Variants in SCML4 observed in about 807,000 individuals in gnomAD.
The protein encoded by SCML4 is Scm polycomb group protein like 4, also known as sex comb on midleg-like protein 4.
SCML4 carries 34 observed loss-of-function variants against 41.1 expected under a neutral mutation model. That is an observed-to-expected ratio of 0.83 (90% CI 0.63 to 1.10). SCML4 has a LOEUF of 1.10. Ranked by LOEUF, SCML4 falls within the 50% of genes least tolerant of loss-of-function variation. SCML4 has a pLI of 0.00. For missense variants in SCML4, 522 were observed against 534.1 expected, an observed-to-expected ratio of 0.98 and a Z score of 0.22; for synonymous variants, 214 against 220.9, an observed-to-expected ratio of 0.97 and a Z score of 0.28.
At chr6:107,752,884 G>A (rs1050128318) in intron 2 of SCML4, among the ~76,000 whole-genome samples, 1 of 152,092 alleles carries the variant, frequency 6.6e-6, no homozygotes, top group Non-Finnish European at 1.5e-5. Context: ...AAGAAGCAAA[G>A]GGCATGGGAA....
intron 5 of SCML4, among the ~76,000 whole-genome samples, chr6:107,741,590 C>T (rs566188493): frequency 1.3e-5 from 2 of 152,362 alleles, no homozygotes; most frequent in East Asian, 1.9e-4. Context: ...GTGGCTGTTA[C>T]GCAGTACCAC....
intron 1 of SCML4, among the ~76,000 whole-genome samples, chr6:107,817,831 G>A (rs916998993): frequency 3.3e-5 from 5 of 151,878 alleles, no homozygotes; most frequent in African/African-American, 4.8e-5. Context: ...CTCCCAAATC[G>A]AGTACTAACT....
chr6:107,765,557 G>A (rs768925262), intron 2 of SCML4, among the ~76,000 whole-genome samples: 1 of 152,158 alleles, frequency 6.6e-6, no homozygotes, highest in African/African-American at 2.4e-5. Context: ...AGTTAATAAA[G>A]TTTGTAGGGA....
rs2114322117 is a variant in SCML4 at position 107,704,999 on chromosome 6, A to G, written c.*201T>C. On this transcript the variant is annotated 3_prime_UTR_variant, in exon 8 of 8. Coordinates refer to ENST00000369020, the MANE Select transcript of SCML4 (RefSeq NM_198081.5). The stretch of plus-strand genomic sequence containing the variant: ...TTTTGTAATTTTTTGGCAAATTATG[A>G]ACACAGAGGAGCCTCTCGAAAAGGT... 3.2e-6 allele frequency: 2 copies of G among 631,626 alleles called. No individual in the cohort carries two copies. The highest frequency in any genetic ancestry group is 1.8e-5 in the African/African-American group (1 of 54,278). The allele number at this position is 631,626 out of a possible 1,614,324, so 39.1% of individuals were successfully genotyped here.
chr6:107,782,427 C>T (rs547589554), intron 1 of SCML4, among the ~76,000 whole-genome samples: 394 of 152,286 alleles, frequency 2.6e-3, no homozygotes, highest in Middle Eastern at 6.8e-3. Flanking sequence ...CTGAGTGTGC[C>T]CCCTCCCTGT....
chr6:107,801,489 A>AT (rs1169794049), intron 1 of SCML4, among the ~76,000 whole-genome samples: 2 of 152,034 alleles, frequency 1.3e-5, no homozygotes, highest in Non-Finnish European at 2.9e-5. Context: ...CAATGAGCTC[A>AT]TTTCTCTCCA....
chr6:107,796,310 T>C (rs577619737), intron 1 of SCML4, among the ~76,000 whole-genome samples: 2 of 152,338 alleles, frequency 1.3e-5, no homozygotes, highest in East Asian at 1.9e-4. Context: ...AGTTGCTCCA[T>C]ATCCTGACCG....
intron 2 of SCML4, among the ~76,000 whole-genome samples, chr6:107,754,475 G>A (rs1583495630): frequency 6.6e-6 from 1 of 152,136 alleles, no homozygotes; most frequent in East Asian, 1.9e-4. Flanking sequence ...TTCTAGGAAT[G>A]ATATCCCACT....
At chr6:107,707,799 G>T in intron 7 of SCML4, 67 bp downstream of exon 7, 1 of 1,543,028 alleles carries the variant, frequency 6.5e-7, no homozygotes. Flanking sequence ...GCAGCTCCCT[G>T]GACCTCACTC....
intron 1 of SCML4, among the ~76,000 whole-genome samples, chr6:107,775,473 T>C (rs983048937): frequency 1.2e-4 from 19 of 152,318 alleles, no homozygotes; most frequent in African/African-American, 4.6e-4. Flanking sequence ...TCTGCCAGCA[T>C]CTGTGACGCC....
At chr6:107,741,045 G>A (rs1188962774) in intron 5 of SCML4, among the ~76,000 whole-genome samples, 1 of 152,136 alleles carries the variant, frequency 6.6e-6, no homozygotes, top group African/African-American at 2.4e-5. Context: ...GCCTGAGCTG[G>A]GTGTGGGGCA....
intron 1 of SCML4, among the ~76,000 whole-genome samples, chr6:107,787,293 C>T (rs775378715): frequency 1.4e-4 from 21 of 152,126 alleles, no homozygotes; most frequent in Non-Finnish European, 2.5e-4. Flanking sequence ...AGAGCTGATC[C>T]GAATTTTTTT....
At chr6:107,805,829 T>C (rs1783680878) in intron 1 of SCML4, among the ~76,000 whole-genome samples, 1 of 152,162 alleles carries the variant, frequency 6.6e-6, no homozygotes, top group South Asian at 2.1e-4. Flanking sequence ...GGTTCTGAAA[T>C]ACAATATTCC....
In SCML4 at chr6:107,824,157, T is replaced by A. The variant is rs1237113045; in HGVS notation, c.-91A>T. On this transcript the variant is annotated 5_prime_UTR_variant, in exon 1 of 8. Coordinates refer to ENST00000369020, the MANE Select transcript of SCML4 (RefSeq NM_198081.5). ...CTTGTTCACCAGAGCCCTGAGCAGG[T>A]TGTTTACCAGGTCGGGAGTGTTGAC... 6.6e-6 allele frequency: 1 copy of A among 152,204 alleles called. No homozygotes were observed. The highest frequency in any genetic ancestry group is 1.5e-5 in the Non-Finnish European group (1 of 68,048). 9.4% of individuals were successfully genotyped at this position (152,204 alleles called of 1,614,324 possible).
chr6:107,814,509 A>C (rs1237354991), intron 1 of SCML4, among the ~76,000 whole-genome samples: 1 of 152,230 alleles, frequency 6.6e-6, no homozygotes, highest in African/African-American at 2.4e-5. Context: ...AATCATTTTA[A>C]GCCAACCTAC....
chr6:107,785,087 T>A (rs1020009947), intron 1 of SCML4, among the ~76,000 whole-genome samples: 3 of 152,234 alleles, frequency 2.0e-5, no homozygotes, highest in Non-Finnish European at 4.4e-5. Flanking sequence ...CAACTCCCTG[T>A]TAAACAAAGC....
chr6:107,725,097 T>C (rs1178941492), intron 5 of SCML4, among the ~76,000 whole-genome samples: 1 of 152,212 alleles, frequency 6.6e-6, no homozygotes, highest in African/African-American at 2.4e-5. Flanking sequence ...TATATGGTTT[T>C]ATAGAAGAAA....
intron 3 of SCML4, among the ~76,000 whole-genome samples, chr6:107,749,160 G>GAT (rs1242609126): frequency 6.6e-6 from 1 of 152,078 alleles, no homozygotes; most frequent in East Asian, 1.9e-4. Flanking sequence ...GTGAGAGAGA[G>GAT]ATACCATCAG....
intron 5 of SCML4, among the ~76,000 whole-genome samples, chr6:107,724,333 G>C (rs1403573854): frequency 6.6e-6 from 1 of 152,134 alleles, no homozygotes; most frequent in African/African-American, 2.4e-5. Flanking sequence ...GAAAAGAAAA[G>C]CCATCTGGAT....
Sources: allele counts gnomAD v4.1 joint callset (sites outside exome capture counted in the v4.1 genomes callset), GRCh38; gene constraint gnomAD v4.1.1; transcripts MANE v1.5; gene names NCBI Gene and HGNC (gene_info 2026-07-23, HGNC 2026-07-21).